STXBP5L: variants seen among roughly 807,000 people sequenced by gnomAD.
STXBP5L encodes syntaxin-binding protein 5-like.
A neutral mutation model predicts 144.5 loss-of-function variants in STXBP5L; 65 were observed. That is an observed-to-expected ratio of 0.45 (90% confidence interval 0.37 to 0.55). The LOEUF (loss-of-function observed/expected upper bound fraction) is 0.55, where lower values mean the gene tolerates loss of function less well. Among genes scored for constraint, STXBP5L ranks in the 20% least tolerant of loss-of-function variants. STXBP5L has a pLI of 0.00. For missense variants in STXBP5L, 1,298 were observed against 1,405.5 expected, an observed-to-expected ratio of 0.92 and a Z score of 1.22; for synonymous variants, 505 against 469.6, an observed-to-expected ratio of 1.08 and a Z score of -0.97.
At chr3:121,288,243 T>C (rs151286941) in intron 19 of STXBP5L, among the ~76,000 whole-genome samples, 178 of 152,366 alleles carry the variant, frequency 1.2e-3, no homozygotes, top group African/African-American at 4.2e-3. Flanking sequence ...CTACTGTTGA[T>C]GGGCATTTAG....
At chr3:120,942,062 G>A (rs1576455490) in intron 2 of STXBP5L, among the ~76,000 whole-genome samples, 1 of 151,642 alleles carries the variant, frequency 6.6e-6, no homozygotes, top group African/African-American at 2.4e-5. Flanking sequence ...AAGATAAATA[G>A]GTGAATATTT....
intron 5 of STXBP5L, among the ~76,000 whole-genome samples, chr3:121,079,218 A>T (rs1017591326): frequency 9.9e-5 from 15 of 152,280 alleles, no homozygotes; most frequent in Non-Finnish European, 2.2e-4. Flanking sequence ...GGCTTTTCCT[A>T]CTTTTAAACA....
intron 2 of STXBP5L, among the ~76,000 whole-genome samples, chr3:120,948,806 G>A (rs1711016033): frequency 6.6e-6 from 1 of 151,856 alleles, no homozygotes; most frequent in African/African-American, 2.4e-5. Context: ...CTCATTGGTT[G>A]ATGGGCATTT....
At chr3:120,986,718 G>T (rs1942320063) in intron 3 of STXBP5L, among the ~76,000 whole-genome samples, 1 of 151,942 alleles carries the variant, frequency 6.6e-6, no homozygotes, top group South Asian at 2.1e-4. Context: ...TCAAGAAAAT[G>T]ATGTATAAGC....
intron 2 of STXBP5L, among the ~76,000 whole-genome samples, chr3:120,929,183 C>G (rs1485896262): frequency 6.6e-6 from 1 of 152,076 alleles, no homozygotes; most frequent in Admixed American, 6.6e-5. Context: ...AGTTAGGGAT[C>G]TGGTAGTCAT....
At chr3:121,226,512 G>A (rs234996) in intron 11 of STXBP5L, among the ~76,000 whole-genome samples, 73,223 of 151,932 alleles carry the variant, frequency 0.48, 18,174 homozygotes, top group East Asian at 0.73. Flanking sequence ...CTATGGGTAC[G>A]GTTTGTGTCC....
At chr3:120,989,865 A>C (rs1375844908) in intron 3 of STXBP5L, among the ~76,000 whole-genome samples, 1 of 152,162 alleles carries the variant, frequency 6.6e-6, no homozygotes, top group Admixed American at 6.5e-5. Flanking sequence ...TGAATGGGCA[A>C]AAACTTGAAG....
At chr3:120,931,137 G>T (rs184003452) in intron 2 of STXBP5L, among the ~76,000 whole-genome samples, 3 of 151,788 alleles carry the variant, frequency 2.0e-5, no homozygotes, top group African/African-American at 7.3e-5. Context: ...ATATACCATA[G>T]GGAGGGCTTG....
intron 9 of STXBP5L, among the ~76,000 whole-genome samples, chr3:121,160,054 C>T (rs947883217): frequency 2.0e-5 from 3 of 152,150 alleles, no homozygotes; most frequent in African/African-American, 7.2e-5. Flanking sequence ...GTTAACATTT[C>T]TCTTATAATG....
At chr3:121,207,282 T>G (rs1370219095) in intron 10 of STXBP5L, among the ~76,000 whole-genome samples, 2 of 152,148 alleles carry the variant, frequency 1.3e-5, no homozygotes, top group Non-Finnish European at 2.9e-5. Flanking sequence ...TAGCCATATG[T>G]AGAAACCTGA....
rs546345971 is a variant in STXBP5L, at chr3:120,961,735, C to T, written c.287+6698C>T. 1.3e-4 allele frequency among the ~76,000 whole-genome samples: 20 copies of T among 152,254 alleles called. No individual in the cohort carries two copies. In the South Asian group the frequency reaches 3.1e-3, roughly 24 times the overall value. On this transcript the variant is annotated intron_variant, in intron 3 of 26. Transcript: ENST00000471454. ...TGTGAATAGTGCCACCATAAACATA[C>T]GTGTGCATGTGTCTTTATAGTAGTA...
At chr3:121,118,484 T>C in intron 6 of STXBP5L, among the ~76,000 whole-genome samples, 1 of 151,620 alleles carries the variant, frequency 6.6e-6, no homozygotes, top group Non-Finnish European at 1.5e-5. Flanking sequence ...GGCTGGTGGA[T>C]AGGATAGCAA....
chr3:120,926,321 A>G (rs1394546288), intron 2 of STXBP5L, among the ~76,000 whole-genome samples: 3 of 143,944 alleles, frequency 2.1e-5, no homozygotes, highest in Non-Finnish European at 1.5e-5. Context: ...GTTGAAGAAC[A>G]TGTTTGCTGG....
chr3:121,234,261 G>T (rs1453568975), intron 12 of STXBP5L, among the ~76,000 whole-genome samples: 1 of 151,916 alleles, frequency 6.6e-6, no homozygotes, highest in African/African-American at 2.4e-5. Context: ...TTCCATCATT[G>T]TATGTTCTTC....
At chr3:121,400,088 C>A (rs755677928) in intron 22 of STXBP5L, among the ~76,000 whole-genome samples, 3 of 152,180 alleles carry the variant, frequency 2.0e-5, no homozygotes, top group Non-Finnish European at 4.4e-5. Flanking sequence ...TCCCAGAAGG[C>A]CCTCTGCTCT....
chr3:121,303,480 G>A (rs1029552643), intron 19 of STXBP5L, among the ~76,000 whole-genome samples: 47 of 152,250 alleles, frequency 3.1e-4, no homozygotes, highest in African/African-American at 1.1e-3. Context: ...TGATTCCTCA[G>A]GGATCTAGAA....
intron 3 of STXBP5L, among the ~76,000 whole-genome samples, chr3:121,018,489 C>A (rs1576675455): frequency 9.1e-6 from 1 of 109,516 alleles, no homozygotes; most frequent in Admixed American, 1.1e-4. Flanking sequence ...GTCTTTGAAA[C>A]AAGTGATGCT....
At chr3:121,055,497 TTATTATTAC>T (rs1948391910) in intron 5 of STXBP5L, among the ~76,000 whole-genome samples, 1 of 152,072 alleles carries the variant, frequency 6.6e-6, no homozygotes, top group South Asian at 2.1e-4. Flanking sequence ...GCTTTCATTA[TTATTATTAC>T]TATTATTGGA....
intron 3 of STXBP5L, among the ~76,000 whole-genome samples, chr3:121,040,651 G>T (rs1054909259): frequency 4.6e-5 from 7 of 152,016 alleles, no homozygotes; most frequent in Admixed American, 3.3e-4. Flanking sequence ...ATGAACTCTA[G>T]TTGTCCCTGG....
Sources: allele counts gnomAD v4.1 joint callset (sites outside exome capture counted in the v4.1 genomes callset), GRCh38; gene constraint gnomAD v4.1.1; transcripts MANE v1.5; gene names NCBI Gene and HGNC (gene_info 2026-07-23, HGNC 2026-07-21).